The following LAMA4 variants were observed in gnomAD, a reference collection of about 807,000 sequenced individuals.
LAMA4 encodes laminin subunit alpha 4, also known as laminin subunit alpha-4.
Under a neutral mutation model 207.1 loss-of-function variants are expected in LAMA4, and 127 were observed. The ratio of observed to expected loss-of-function variants is 0.61; its 90% CI spans 0.53 to 0.71. The LOEUF (loss-of-function observed/expected upper bound fraction) is 0.71. Ranked by LOEUF, LAMA4 falls within the 30% of genes least tolerant of loss-of-function variation. The pLI, the probability that LAMA4 is intolerant of heterozygous loss-of-function variation, is 0.00. For missense variants in LAMA4, 2,093 were observed against 2,246.5 expected (o/e 0.93, Z 1.38); for synonymous variants, 761 against 816.0 (o/e 0.93, Z 1.15).
At chr6:112,205,189 G>C (rs986965083) in intron 4 of LAMA4, among the ~76,000 whole-genome samples, 1 of 152,188 alleles carries the variant, frequency 6.6e-6, no homozygotes, top group Non-Finnish European at 1.5e-5. Context: ...GCCAGGCATA[G>C]AGTAAGAAAA....
At chr6:112,190,919 C>CT (rs1172516946) in intron 6 of LAMA4, among the ~76,000 whole-genome samples, 1 of 99,418 alleles carries the variant, frequency 1.0e-5, no homozygotes, top group African/African-American at 3.8e-5. Flanking sequence ...TTCTTTCTTT[C>CT]TTTCTTTCTT....
chr6:112,198,066 A>G (rs1554351025), intron 5 of LAMA4, among the ~76,000 whole-genome samples: 1 of 152,222 alleles, frequency 6.6e-6, no homozygotes, highest in Non-Finnish European at 1.5e-5. Flanking sequence ...ATACTTCCCT[A>G]GTATGAGAGT....
At chr6:112,244,509 G>A (rs564913902) in intron 2 of LAMA4, among the ~76,000 whole-genome samples, 8 of 152,092 alleles carry the variant, frequency 5.3e-5, no homozygotes, top group African/African-American at 9.7e-5. Context: ...TATAGAGTAC[G>A]CACCCTTTTA....
At chr6:112,109,660 T>C in intron 38 of LAMA4, 78 bp from the exon 39 acceptor site, 2 of 1,405,006 alleles carry the variant, frequency 1.4e-6, no homozygotes, top group East Asian at 2.3e-5. Context: ...GGTAAAAGTA[T>C]ACATATTTGC....
rs367680871 is a variant in LAMA4, at chr6:112,139,743, G to A, written c.3110+9C>T. On this transcript the variant is annotated intron_variant, in intron 23 of 38. Transcript: ENST00000230538. Reference sequence around the variant, plus strand: ...ATCCAAGTCTTTAGTACTCTTAACTGTCTCTTACCGGGCACATGGCACTGA... The same window carrying A: ...ATCCAAGTCTTTAGTACTCTTAACTATCTCTTACCGGGCACATGGCACTGA... The A allele has an allele frequency of 3.1e-6, 5 of 1,613,458 alleles. No homozygotes were observed. In the African/African-American group the frequency reaches 5.3e-5, roughly 17 times the overall value.
At chr6:112,207,979 G>A (rs1482759077) in intron 3 of LAMA4, among the ~76,000 whole-genome samples, 5 of 152,136 alleles carry the variant, frequency 3.3e-5, no homozygotes, top group South Asian at 2.1e-4. Flanking sequence ...TAACTCGAAC[G>A]GAGTAGGCAC....
At chr6:112,238,464 C>G (rs985834161) in intron 2 of LAMA4, among the ~76,000 whole-genome samples, 1 of 151,992 alleles carries the variant, frequency 6.6e-6, no homozygotes, top group Non-Finnish European at 1.5e-5. Flanking sequence ...AATTCCAGCA[C>G]TTTGGGAGGC....
intron 33 of LAMA4, 100 bp from the exon 34 acceptor site, chr6:112,119,411 G>A (rs1478474966): frequency 5.4e-6 from 7 of 1,288,938 alleles, no homozygotes; most frequent in Non-Finnish European, 5.6e-6. Context: ...GCAATGCTGT[G>A]GGAAATCTTC....
intron 5 of LAMA4, among the ~76,000 whole-genome samples, chr6:112,195,040 A>G (rs1554350072): frequency 6.6e-6 from 1 of 152,174 alleles, no homozygotes; most frequent in Non-Finnish European, 1.5e-5. Flanking sequence ...TTGACCAAAA[A>G]CTGTTTCAGG....
intron 13 of LAMA4, chr6:112,164,194 AG>A (rs1781255736): frequency 6.6e-6 from 1 of 152,314 alleles, no homozygotes; most frequent in East Asian, 1.9e-4. Flanking sequence ...ATGGTAGTTA[AG>A]GGTATTTTGA....
chr6:112,248,580 G>C (rs534585679), intron 2 of LAMA4, among the ~76,000 whole-genome samples: 1 of 151,820 alleles, frequency 6.6e-6, no homozygotes, highest in East Asian at 1.9e-4. Context: ...ACTTCCTCTG[G>C]TTAAATCAGA....
At chr6:112,240,475 C>G (rs570225102) in intron 2 of LAMA4, among the ~76,000 whole-genome samples, 6 of 152,266 alleles carry the variant, frequency 3.9e-5, no homozygotes, top group Non-Finnish European at 7.4e-5. Context: ...ATTGTGCTAT[C>G]AAATAGTAGG....
chr6:112,133,868 G>A (rs565040336), intron 26 of LAMA4, among the ~76,000 whole-genome samples: 9 of 152,252 alleles, frequency 5.9e-5, no homozygotes, highest in South Asian at 4.1e-4. Flanking sequence ...AGGGTTTAAC[G>A]TAATGAAACT....
intron 2 of LAMA4, 119 bp downstream of exon 2, chr6:112,253,837 G>T: frequency 4.3e-6 from 7 of 1,614,256 alleles, no homozygotes; most frequent in Non-Finnish European, 5.9e-6. Flanking sequence ...CCTAGCCCAG[G>T]TGAAACTCTC....
At chr6:112,154,792 T>C in intron 16 of LAMA4, 59 bp downstream of exon 16, 1 of 1,020,774 alleles carries the variant, frequency 9.8e-7, no homozygotes, top group South Asian at 1.3e-5. Flanking sequence ...TGTCTACGTG[T>C]ATGAAAGGAG....
chr6:112,192,891 G>T (rs782470206), intron 5 of LAMA4, among the ~76,000 whole-genome samples: 7 of 152,220 alleles, frequency 4.6e-5, no homozygotes, highest in African/African-American at 9.6e-5. Context: ...AGCCTTGAGA[G>T]GATGAAGGAC....
intron 2 of LAMA4, among the ~76,000 whole-genome samples, chr6:112,222,770 G>A (rs1784994417): frequency 6.6e-6 from 1 of 152,212 alleles, no homozygotes; most frequent in Non-Finnish European, 1.5e-5. Flanking sequence ...CTTGGCGTGT[G>A]TTGAAGTACT....
intron 3 of LAMA4, chr6:112,213,543 T>A (rs933747735): frequency 1.3e-5 from 2 of 152,368 alleles, no homozygotes; most frequent in African/African-American, 4.8e-5. Context: ...CAAAACATAG[T>A]AGATTTCTAA....
At chr6:112,153,762 G>A (rs1029641203) in intron 16 of LAMA4, among the ~76,000 whole-genome samples, 1 of 152,002 alleles carries the variant, frequency 6.6e-6, no homozygotes, top group Admixed American at 6.6e-5. Flanking sequence ...CTAATCCATA[G>A]AGTATGTTCA....
Sources: gnomAD v4.1 joint callset for allele counts (sites outside exome capture counted in the v4.1 genomes callset) on GRCh38, gnomAD v4.1.1 for gene constraint, MANE v1.5 for transcripts, NCBI Gene and HGNC (gene_info 2026-07-23, HGNC 2026-07-21) for gene names.